Variants in TEF observed in about 807,000 individuals in gnomAD.
TEF encodes TEF transcription factor, PAR bZIP family member, also known as thyrotroph embryonic factor.
In TEF, 3 loss-of-function variants were observed where a neutral mutation model predicts 20.8. The ratio of observed to expected loss-of-function variants is 0.14; its 90% CI spans 0.07 to 0.37. TEF has a LOEUF of 0.37. TEF is among the 10% of genes least tolerant of loss of function. The pLI is 1.00. For missense variants in TEF, 296 were observed against 397.9 expected (o/e 0.74, Z 2.18); for synonymous variants, 180 against 171.1 (o/e 1.05, Z -0.41).
chr22:41,392,181 A>G (rs909071716), intron 2 of TEF, among the ~76,000 whole-genome samples: 4 of 152,174 alleles, frequency 2.6e-5, no homozygotes, highest in African/African-American at 7.2e-5. Flanking sequence ...AATAACACAC[A>G]ACCTTAGAAT....
intron 2 of TEF, among the ~76,000 whole-genome samples, chr22:41,392,664 A>G (rs973502733): frequency 8.3e-6 from 1 of 121,176 alleles, no homozygotes; most frequent in African/African-American, 3.3e-5. Flanking sequence ...ACAGAGTGAG[A>G]CTCTTCAAAA....
intron 1 of TEF, 122 bp downstream of exon 1, chr22:41,382,323 G>A (rs972926583): frequency 7.7e-6 from 7 of 905,012 alleles, no homozygotes; most frequent in Non-Finnish European, 1.0e-5. Context: ...AGGGGGATGG[G>A]GCCTGGATGA....
chr22:41,387,778 G>A, intron 2 of TEF, 110 bp downstream of exon 2: 1 of 1,125,012 alleles, frequency 8.9e-7, no homozygotes, highest in Non-Finnish European at 1.3e-6. Context: ...CTGAGGGGAG[G>A]TCCTGGTGGG....
At chr22:41,378,372 GTC>G (rs2036973829), upstream of TEF, among the ~76,000 whole-genome samples, 3 of 124,626 alleles carry the variant, frequency 2.4e-5, no homozygotes, top group Non-Finnish European at 3.2e-5. Flanking sequence ...TTGAGAGGGA[GTC>G]TCGCTCTGTC....
chr22:41,394,097 A>G lies in TEF; in HGVS notation c.477A>G (p.Glu159=). ...FQPSETVSST[E]SSLEKERETP... The stretch of plus-strand genomic sequence containing the variant: ...ACCACCTGTCTCTGTGTCTTTTAGA[A>G]TCTTCCCTGGAGAAGGAGAGGGAGA... The change falls in exon 3 of 4, where the codon GAA becomes GAG. Residue 159 remains glutamate (E), a splice_region_variant and synonymous_variant. Transcript: ENST00000266304. The G allele has an allele frequency of 6.2e-7, 1 of 1,613,852 alleles. No individual in the cohort carries two copies. Among genetic ancestry groups the G allele is most frequent in the Non-Finnish European group, 8.5e-7 (1 of 1,179,906 alleles).
At chr22:41,376,480 G>A (rs1420724934) in intron 1 of TEF, among the ~76,000 whole-genome samples, 4 of 152,160 alleles carry the variant, frequency 2.6e-5, no homozygotes, top group Non-Finnish European at 5.9e-5. Flanking sequence ...CATCCGCCTC[G>A]GCCTCCCAAA....
At chr22:41,391,535 C>CG (rs2037166202) in intron 2 of TEF, among the ~76,000 whole-genome samples, 1 of 151,516 alleles carries the variant, frequency 6.6e-6, no homozygotes, top group Admixed American at 6.6e-5. Flanking sequence ...AGGCTGGTCT[C>CG]GAACTCCTGA....
rs1250629260 is a variant in TEF, at chr22:41,398,235, T to A, written c.*2275T>A. 1.3e-5 allele frequency: 2 copies of A among 153,514 alleles called. No homozygotes were observed. The highest frequency in any genetic ancestry group is 2.9e-5 in the Non-Finnish European group (2 of 68,030). The allele number at this position is 153,514 out of a possible 1,614,324, so 9.5% of individuals were successfully genotyped here. On this transcript the variant is annotated 3_prime_UTR_variant, in exon 4 of 4. Transcript: ENST00000266304. ...TGTCTCCTCTCCTGTCCTAAAAAAA[T>A]CCATGCTTGCAGGAGAGGGTTGGTG...
At chr22:41,378,165 C>CTTTTTTTTT (rs1227353344), upstream of TEF, among the ~76,000 whole-genome samples, 2 of 89,468 alleles carry the variant, frequency 2.2e-5, 1 homozygote, top group African/African-American at 8.5e-5. Flanking sequence ...CCTTAGCTTC[C>CTTTTTTTTT]TTTTTTTTTT....
chr22:41,373,330 G>A (rs1375544930), intron 1 of TEF, among the ~76,000 whole-genome samples: 2 of 152,022 alleles, frequency 1.3e-5, no homozygotes, highest in African/African-American at 2.4e-5. Context: ...ATGCTGCCCC[G>A]CCATGCAGTA....
At chr22:41,374,252 T>G (rs1298759577) in intron 1 of TEF, among the ~76,000 whole-genome samples, 1 of 150,980 alleles carries the variant, frequency 6.6e-6, no homozygotes, top group African/African-American at 2.4e-5. Context: ...CCAAAAAAAT[T>G]AAAAATTAGC....
At chr22:41,376,900 G>A (rs906479827) in intron 1 of TEF, among the ~76,000 whole-genome samples, 6 of 152,198 alleles carry the variant, frequency 3.9e-5, no homozygotes, top group African/African-American at 1.4e-4. Flanking sequence ...CTTGCCCATG[G>A]CCATGTGGCT....
At chr22:41,375,498 C>T (rs916093666) in intron 1 of TEF, among the ~76,000 whole-genome samples, 4 of 152,122 alleles carry the variant, frequency 2.6e-5, no homozygotes, top group Non-Finnish European at 4.4e-5. Flanking sequence ...CGCCTGTAAT[C>T]CCAGCACTTT....
chr22:41,381,410 C>A (rs2037019603), upstream of TEF, among the ~76,000 whole-genome samples: 1 of 152,114 alleles, frequency 6.6e-6, no homozygotes, highest in South Asian at 2.1e-4. Context: ...TCTGCCCCCT[C>A]CCCCCGCGAC....
At chr22:41,378,293 C>G (rs1292700943), upstream of TEF, among the ~76,000 whole-genome samples, 1 of 151,146 alleles carries the variant, frequency 6.6e-6, no homozygotes, top group Non-Finnish European at 1.5e-5. Flanking sequence ...CTCAGCCTCC[C>G]GAGTAGCTGG....
upstream of TEF, among the ~76,000 whole-genome samples, chr22:41,381,092 T>A (rs113171669): frequency 0.018 from 2,781 of 152,278 alleles, 82 homozygotes; most frequent in African/African-American, 0.06. Flanking sequence ...TCCACGCTAG[T>A]GTTGATCTGG....
intron 1 of TEF, among the ~76,000 whole-genome samples, chr22:41,386,324 C>G (rs1418941794): frequency 6.6e-6 from 1 of 152,060 alleles, no homozygotes; most frequent in Non-Finnish European, 1.5e-5. Context: ...GCCTATAATC[C>G]CAGCTACTTG....
chr22:41,371,438 A>C (rs909258951), intron 1 of TEF, among the ~76,000 whole-genome samples: 2 of 152,232 alleles, frequency 1.3e-5, no homozygotes, highest in Non-Finnish European at 2.9e-5. Context: ...CAGGGGGCTT[A>C]TGATCAGAGT....
rs895550172 is a variant in TEF, at chr22:41,382,030, C to G, written c.-15C>G. On this transcript the variant is annotated 5_prime_UTR_variant, in exon 1 of 4. Transcript: ENST00000266304. ...GGCGGGGGAGGCGAGGTGCGCGAGCCGAGTCCGGGGCACGATGTCCGACGC... is the reference window on the plus strand; with the variant it reads ...GGCGGGGGAGGCGAGGTGCGCGAGCGGAGTCCGGGGCACGATGTCCGACGC... 20 of 1,230,078 alleles carry G rather than the reference C, an allele frequency of 1.6e-5. No individual in the cohort carries two copies. Among genetic ancestry groups the G allele is most frequent in the Non-Finnish European group, 1.8e-5 (18 of 986,946 alleles). The allele number at this position is 1,230,078 out of a possible 1,614,324, so 76.2% of individuals were successfully genotyped here.
Sources: allele counts gnomAD v4.1 joint callset (sites outside exome capture counted in the v4.1 genomes callset), GRCh38; gene constraint gnomAD v4.1.1; transcripts MANE v1.5; gene names NCBI Gene and HGNC (gene_info 2026-07-23, HGNC 2026-07-21).